The following DENND4A variants were observed in gnomAD, a reference collection of about 807,000 sequenced individuals.
The protein encoded by DENND4A is C-myc promoter-binding protein.
A neutral mutation model predicts 199.3 loss-of-function variants in DENND4A; 70 were observed. The ratio of observed to expected loss-of-function variants is 0.35; its 90% confidence interval spans 0.29 to 0.43. The LOEUF is 0.43. Among genes scored for constraint, DENND4A ranks in the 20% least tolerant of loss-of-function variants. The pLI, the probability that DENND4A is intolerant of heterozygous loss-of-function variation, is 1.00. For synonymous variants in DENND4A, 686 were observed against 766.9 expected, an observed-to-expected ratio of 0.89 and a Z score of 1.74; for missense variants, 1,723 against 2,255.8, an observed-to-expected ratio of 0.76 and a Z score of 4.78.
Position 65,738,757 on chromosome 15 carries a change from G to A in DENND4A, c.750C>T (p.Tyr250=), listed in dbSNP as rs2076177000. ...CAAAAGTAGAAAATACAGGCAGAGG[G>A]TATTTGCTATTTGATGGCCAACATT... ...TIECWPSNSK[Y]PLPVFSTFVL... The change falls in exon 6 of 33, where the codon TAC becomes TAT. Residue 250 remains tyrosine, a synonymous_variant. Transcript: ENST00000443035. 6.2e-7 allele frequency: 1 copy of A among 1,612,854 alleles called. No individual in the cohort carries two copies. The highest frequency in any genetic ancestry group is 1.3e-5 in the African/African-American group (1 of 75,018).
rs148433061 is a variant in DENND4A, at chr15:65,759,702, C to T, written c.-23+1658G>A. Among the ~76,000 whole-genome samples the T allele has an allele frequency of 3.8e-3, 583 of 152,194 alleles. 6 individuals are homozygous for T. Among genetic ancestry groups the T allele is most frequent in the Non-Finnish European group, 3.7e-3 (254 of 68,004 alleles). ...AAATGCTGACTTATCACCCTCAGCT[C>T]GTTGCATATAACAAGTGCTCCAAAA... On this transcript the variant is annotated intron_variant, in intron 2 of 32. Transcript: ENST00000443035.
rs1344108675 is a variant in DENND4A at position 65,792,210 on chromosome 15, C to G, written c.-302G>C. Reference sequence around the variant, plus strand: ...GCCGTCTCAGTCAGACGGGACTCCCCCTCCCCTCGCGGCCGCCACTGCCTC... The same window carrying G: ...GCCGTCTCAGTCAGACGGGACTCCCGCTCCCCTCGCGGCCGCCACTGCCTC... On this transcript the variant is annotated 5_prime_UTR_variant, in exon 1 of 33. Transcript: ENST00000443035. The G allele has an allele frequency of 6.6e-6, 1 of 152,636 alleles. No homozygotes were observed. Among genetic ancestry groups the G allele is most frequent in the Non-Finnish European group, 1.5e-5 (1 of 68,196 alleles). The allele number at this position is 152,636 out of a possible 1,614,324, so 9.5% of individuals were successfully genotyped here. A position where few individuals can be genotyped will look rare whatever the true frequency, so the allele number is the denominator to read the frequency against.
At chr15:65,731,433 T>C (rs1182378551) in intron 9 of DENND4A, 6 of 581,360 alleles carry the variant, frequency 1.0e-5, no homozygotes, top group Admixed American at 2.2e-5. Context: ...TTGATGATAA[T>C]AGATACACAA....
intron 1 of DENND4A, among the ~76,000 whole-genome samples, chr15:65,786,932 G>C (rs2077580978): frequency 1.3e-5 from 2 of 152,062 alleles, no homozygotes; most frequent in African/African-American, 4.8e-5. Flanking sequence ...AAACTGGGGA[G>C]AACAAAAGGG....
chr15:65,685,776 G>A (rs569388364), intron 23 of DENND4A, among the ~76,000 whole-genome samples: 8 of 152,194 alleles, frequency 5.3e-5, no homozygotes, highest in Non-Finnish European at 1.0e-4. Flanking sequence ...ACCATTTTTT[G>A]ACAAAAACTA....
intron 30 of DENND4A, 75 bp from the exon 31 acceptor site, chr15:65,664,797 C>A: frequency 1.6e-6 from 2 of 1,254,302 alleles, no homozygotes; most frequent in Non-Finnish European, 2.2e-6. Flanking sequence ...CAGCAACTGA[C>A]AGATATTAAG....
At position 65,685,095 on chromosome 15, in the gene DENND4A, C is replaced by T. The variant is rs903400221; in HGVS notation, c.4179+5320G>A. On this transcript the variant is annotated intron_variant, in intron 23 of 32. Transcript: ENST00000443035. The stretch of plus-strand genomic sequence containing the variant: ...GCCCGCCTCAGCCTCCCAAAGTTCT[C>T]AGATTACAGGCATGAGCCACCACGC... Among the ~76,000 whole-genome samples the T allele has an allele frequency of 1.3e-4, 20 of 151,582 alleles. No homozygotes were observed. In the East Asian group the frequency reaches 1.6e-3, roughly 12 times the overall value.
intron 24 of DENND4A, among the ~76,000 whole-genome samples, chr15:65,676,162 A>G (rs1018377633): frequency 6.8e-6 from 1 of 146,524 alleles, no homozygotes; most frequent in African/African-American, 2.5e-5. Flanking sequence ...ATATATATAT[A>G]TATACCTATA....
intron 32 of DENND4A, among the ~76,000 whole-genome samples, chr15:65,664,059 A>C (rs555563272): frequency 6.6e-6 from 1 of 152,302 alleles, no homozygotes; most frequent in African/African-American, 2.4e-5. Context: ...TAAAGTGTAC[A>C]ATTTAGTGTT....
intron 31 of DENND4A, 58 bp from the exon 32 acceptor site, chr15:65,664,452 A>G: frequency 6.6e-7 from 1 of 1,517,130 alleles, no homozygotes; most frequent in Middle Eastern, 2.1e-4. Flanking sequence ...TATGTTCCCT[A>G]TAAAAAATTT....
chr15:65,745,091 A>G lies in DENND4A; in HGVS notation c.562-3307T>C, dbSNP rs941986622. Among the ~76,000 whole-genome samples, 13 of 152,336 alleles carry G rather than the reference A, an allele frequency of 8.5e-5. 1 individual carries two copies. In the East Asian group the frequency reaches 2.5e-3, roughly 29 times the overall value. On this transcript the variant is annotated intron_variant, in intron 4 of 32. Transcript: ENST00000443035. ...GTACTTAAAAATCTGATGAATAACA[A>G]TGAGAAGATATCATAAATAGCACTA...
At chr15:65,668,813 T>A (rs1477984967) in intron 27 of DENND4A, among the ~76,000 whole-genome samples, 1 of 150,220 alleles carries the variant, frequency 6.7e-6, no homozygotes, top group African/African-American at 2.5e-5. Flanking sequence ...AGAGTGAGAC[T>A]CTGTCTCAAA....
intron 23 of DENND4A, chr15:65,680,745 C>T (rs913600076): frequency 6.6e-6 from 1 of 152,094 alleles, no homozygotes; most frequent in Non-Finnish European, 1.5e-5. Context: ...AAACAAATGT[C>T]GCAATAAAGC....
intron 7 of DENND4A, among the ~76,000 whole-genome samples, chr15:65,734,650 T>C (rs1173420458): frequency 6.6e-6 from 1 of 151,904 alleles, no homozygotes; most frequent in East Asian, 1.9e-4. Context: ...TAAACAAACG[T>C]CAAGCAGGGG....
At chr15:65,769,412 C>T (rs551389951) in intron 1 of DENND4A, among the ~76,000 whole-genome samples, 15 of 152,200 alleles carry the variant, frequency 9.9e-5, no homozygotes, top group African/African-American at 3.6e-4. Context: ...TTGCTGAATA[C>T]AACTATATGA....
At chr15:65,696,952 ATT>A in intron 21 of DENND4A, 1 of 310,484 alleles carries the variant, frequency 3.2e-6, no homozygotes, top group South Asian at 3.9e-5. Context: ...GCTTTAAAAT[ATT>A]GTTAAGTCTC....
chr15:65,673,628 AG>A (rs1298001355), intron 24 of DENND4A, among the ~76,000 whole-genome samples: 15 of 146,906 alleles, frequency 1.0e-4, no homozygotes, highest in African/African-American at 3.7e-4. Context: ...AATAACAAGG[AG>A]GAAAAAAAAA....
intron 4 of DENND4A, among the ~76,000 whole-genome samples, chr15:65,747,913 G>A (rs914385246): frequency 4.6e-5 from 7 of 151,470 alleles, no homozygotes; most frequent in East Asian, 1.9e-4. Flanking sequence ...GGTGGCGCGC[G>A]CCTGTAATCC....
chr15:65,717,996 A>G lies in DENND4A; in HGVS notation c.1589T>C (p.Leu530Ser). 6.3e-7 allele frequency: 1 copy of G among 1,589,510 alleles called. No individual in the cohort carries two copies. The highest frequency in any genetic ancestry group is 8.6e-7 in the Non-Finnish European group (1 of 1,165,978). ...LNNLHQQLAKLQQRPRDDGLM... is the reference protein window; with the variant it reads ...LNNLHQQLAKSQQRPRDDGLM... ...TCCATCATCTCTCGGTCTCTGCTGC[A>G]CTGTGAAGACATACAGTGTTAGTGT... The change falls in exon 13 of 33, where the codon TTG (leucine) becomes TCG (serine). Residue 530 changes from leucine (L) to serine (S), a missense_variant and splice_region_variant. Coordinates refer to ENST00000443035, the MANE Select transcript of DENND4A (RefSeq NM_001320835.1).
Sources: gnomAD v4.1 joint callset for allele counts (sites outside exome capture counted in the v4.1 genomes callset) on GRCh38, gnomAD v4.1.1 for gene constraint, MANE v1.5 for transcripts, NCBI Gene and HGNC (gene_info 2026-07-23, HGNC 2026-07-21) for gene names.